ZNF184: variants seen among roughly 807,000 people sequenced by gnomAD.
The protein encoded by ZNF184 is zinc finger protein 184 (Kruppel-like).
In ZNF184, 16 loss-of-function variants were observed where a neutral mutation model predicts 54.4. That is an observed-to-expected ratio of 0.29 (90% CI 0.20 to 0.45). The LOEUF (loss-of-function observed/expected upper bound fraction) is 0.45. ZNF184 is among the 20% of genes least tolerant of loss of function. The pLI is 1.00. For synonymous variants in ZNF184, 254 were observed against 295.3 expected (o/e 0.86, Z 1.43); for missense variants, 681 against 888.2 (o/e 0.77, Z 2.97).
intron 3 of ZNF184, among the ~76,000 whole-genome samples, chr6:27,459,565 T>C (rs926910290): frequency 6.6e-6 from 1 of 152,082 alleles, no homozygotes; most frequent in Non-Finnish European, 1.5e-5. Flanking sequence ...TGTCCTATGG[T>C]GGAAACAGAA....
At chr6:27,422,148 A>AAAG in the ZNF184 span, among the ~76,000 whole-genome samples, 19 of 43,462 alleles carry the variant, frequency 4.4e-4, no homozygotes, top group African/African-American at 9.3e-4. Context: ...CTCAAAAAAA[A>AAAG]AAAGAAAGAA....
downstream of ZNF184, among the ~76,000 whole-genome samples, chr6:27,449,555 C>A (rs1324772688): frequency 6.6e-6 from 1 of 152,138 alleles, no homozygotes; most frequent in Non-Finnish European, 1.5e-5. Context: ...GAGTTGGAGA[C>A]CAGCCTGGGC....
the ZNF184 span, among the ~76,000 whole-genome samples, chr6:27,424,005 T>C: frequency 1.9e-4 from 29 of 152,236 alleles, no homozygotes; most frequent in Admixed American, 3.9e-4. Context: ...TTGGTCTCAC[T>C]GACTTCAAGA....
the ZNF184 span, among the ~76,000 whole-genome samples, chr6:27,442,275 A>G: frequency 6.6e-6 from 1 of 152,314 alleles, no homozygotes; most frequent in African/African-American, 2.4e-5. Flanking sequence ...CGTTTCCCCC[A>G]ATAATGTATT....
At chr6:27,418,698 C>T in the ZNF184 span, among the ~76,000 whole-genome samples, 14 of 151,798 alleles carry the variant, frequency 9.2e-5, no homozygotes, top group African/African-American at 3.4e-4. Context: ...ATTCTTTTTG[C>T]TATTTGGTTA....
At chr6:27,432,549 G>A in the ZNF184 span, among the ~76,000 whole-genome samples, 1 of 152,116 alleles carries the variant, frequency 6.6e-6, no homozygotes, top group Non-Finnish European at 1.5e-5. The surrounding 1 kb of genome is among the most constrained non-coding windows in gnomAD (Gnocchi z 4.0). Flanking sequence ...ATGATGACAG[G>A]CCTTTTCTGA....
the ZNF184 span, among the ~76,000 whole-genome samples, chr6:27,417,386 T>G: frequency 7.3e-3 from 969 of 133,190 alleles, 8 homozygotes; most frequent in African/African-American, 0.022. Context: ...ACAATTCTGG[T>G]TTTTTTTTTT....
chr6:27,420,693 C>T, the ZNF184 span, among the ~76,000 whole-genome samples: 1 of 152,150 alleles, frequency 6.6e-6, no homozygotes, highest in Non-Finnish European at 1.5e-5. Flanking sequence ...CATTCATTGC[C>T]GGTAGAGATG....
the ZNF184 span, among the ~76,000 whole-genome samples, chr6:27,428,542 G>A: frequency 0.023 from 3,538 of 151,992 alleles, 63 homozygotes; most frequent in African/African-American, 0.062. This position sits in a 1 kb window ranked among gnomAD's most constrained non-coding sequence, Gnocchi z 4.1. Context: ...ATTCTCATCC[G>A]ACCCAAACTC....
At chr6:27,463,263 C>T (rs1052259827) in intron 3 of ZNF184, among the ~76,000 whole-genome samples, 14 of 147,170 alleles carry the variant, frequency 9.5e-5, no homozygotes, top group South Asian at 2.1e-4. Flanking sequence ...TACCCTAAAA[C>T]TTAAAGTATA....
the ZNF184 span, among the ~76,000 whole-genome samples, chr6:27,440,543 G>T: frequency 1.3e-5 from 2 of 152,134 alleles, no homozygotes; most frequent in Non-Finnish European, 1.5e-5. Flanking sequence ...CTGACACAAT[G>T]AAGAAATTTT....
chr6:27,410,200 A>G, the ZNF184 span, among the ~76,000 whole-genome samples: 5 of 152,232 alleles, frequency 3.3e-5, no homozygotes, highest in Admixed American at 6.5e-5. Context: ...AAGTGACATG[A>G]CTGTAATTTA....
At chr6:27,433,913 TTTCTTTC>T in the ZNF184 span, among the ~76,000 whole-genome samples, 1 of 132,026 alleles carries the variant, frequency 7.6e-6, no homozygotes, top group Non-Finnish European at 1.7e-5. Flanking sequence ...TCTCTTTTTC[TTTCTTTC>T]TTCTTTCTTT....
chr6:27,407,796 G>A, the ZNF184 span: 8 of 777,624 alleles, frequency 1.0e-5, no homozygotes, highest in East Asian at 2.4e-5. Context: ...CAAAATGCAC[G>A]ATTATGATGG....
chr6:27,420,501 T>G, the ZNF184 span, among the ~76,000 whole-genome samples: 1 of 152,152 alleles, frequency 6.6e-6, no homozygotes. Context: ...CTACCCTGGT[T>G]GAAAGGCACA....
chr6:27,444,281 G>A, the ZNF184 span, among the ~76,000 whole-genome samples: 1 of 151,996 alleles, frequency 6.6e-6, no homozygotes, highest in Non-Finnish European at 1.5e-5. Context: ...AATACTCTTT[G>A]TTCCCTCCTA....
the ZNF184 span, among the ~76,000 whole-genome samples, chr6:27,439,903 A>C: frequency 1.3e-5 from 2 of 152,110 alleles, no homozygotes; most frequent in African/African-American, 4.8e-5. Context: ...CTTGTATGAA[A>C]ATTTTTTTGT....
At chr6:27,464,282 G>A (rs1763069545) in intron 3 of ZNF184, among the ~76,000 whole-genome samples, 1 of 152,124 alleles carries the variant, frequency 6.6e-6, no homozygotes, top group Non-Finnish European at 1.5e-5. Context: ...ATAATTGGCT[G>A]CTTAAAGAAA....
chr6:27,422,618 T>A, the ZNF184 span, among the ~76,000 whole-genome samples: 1 of 152,160 alleles, frequency 6.6e-6, no homozygotes, highest in Admixed American at 6.5e-5. Flanking sequence ...TTTTTGGATA[T>A]GTTCCTCATG....
Sources: gnomAD v4.1 joint callset for allele counts (sites outside exome capture counted in the v4.1 genomes callset) on GRCh38, gnomAD v4.1.1 for gene constraint, Gnocchi (gnomAD v3.1) non-coding constraint, MANE v1.5 for transcripts, NCBI Gene and HGNC (gene_info 2026-07-23, HGNC 2026-07-21) for gene names.